The following ANK2 variants were observed in gnomAD, a reference collection of about 807,000 sequenced individuals.
ANK2 encodes ankyrin 2, also known as ankyrin-2.
Under a neutral mutation model 360.5 loss-of-function variants are expected in ANK2, and 83 were observed. The observed-to-expected ratio is 0.23, with a 90% confidence interval of 0.19 to 0.28. The LOEUF is 0.28. Among genes scored for constraint, ANK2 ranks in the 10% least tolerant of loss-of-function variants. The pLI, the probability that ANK2 is intolerant of heterozygous loss-of-function variation, is 1.00. For synonymous variants in ANK2, 1,740 were observed against 1,759.5 expected, an observed-to-expected ratio of 0.99 and a Z score of 0.28; for missense variants, 4,201 against 4,795.7, an observed-to-expected ratio of 0.88 and a Z score of 3.66.
intron 1 of ANK2, among the ~76,000 whole-genome samples, chr4:113,062,979 GT>G (rs2154335515): frequency 6.6e-6 from 1 of 152,196 alleles, no homozygotes; most frequent in African/African-American, 2.4e-5. Context: ...AGGAAATGAG[GT>G]GCTAATATCA....
chr4:112,877,156 A>C (rs536979077), intron 1 of ANK2, among the ~76,000 whole-genome samples: 113 of 151,874 alleles, frequency 7.4e-4, no homozygotes, highest in African/African-American at 2.5e-3. Context: ...TGTCGTTGCT[A>C]TTTTACTTTA....
chr4:112,861,464 C>T (rs868782294), intron 1 of ANK2, among the ~76,000 whole-genome samples: 3 of 152,170 alleles, frequency 2.0e-5, no homozygotes, highest in Non-Finnish European at 1.5e-5. Context: ...AAATATCTTC[C>T]TTACTACAGG....
At chr4:113,083,777 A>G (rs1335216763) in intron 1 of ANK2, among the ~76,000 whole-genome samples, 1 of 152,182 alleles carries the variant, frequency 6.6e-6, no homozygotes, top group Non-Finnish European at 1.5e-5. Flanking sequence ...AAAATATTTT[A>G]TTTTATATAT....
chr4:112,722,293 A>G, the ANK2 span, among the ~76,000 whole-genome samples: 1 of 152,142 alleles, frequency 6.6e-6, no homozygotes, highest in African/African-American at 2.4e-5. Context: ...CTCTCTGCAA[A>G]TGATAAAGCT....
chr4:113,062,551 T>C (rs1341425368), intron 1 of ANK2, among the ~76,000 whole-genome samples: 1 of 152,050 alleles, frequency 6.6e-6, no homozygotes, highest in Non-Finnish European at 1.5e-5. Context: ...TTTTGTACCA[T>C]CCAGAAGAGC....
At chr4:112,748,647 C>T in the ANK2 span, among the ~76,000 whole-genome samples, 1 of 152,150 alleles carries the variant, frequency 6.6e-6, no homozygotes, top group Non-Finnish European at 1.5e-5. Context: ...AAGTTCCTCA[C>T]AGTGTAATTT....
At chr4:112,757,504 GTA>G in the ANK2 span, among the ~76,000 whole-genome samples, 1 of 152,184 alleles carries the variant, frequency 6.6e-6, no homozygotes, top group Non-Finnish European at 1.5e-5. Flanking sequence ...ACATTTGCAG[GTA>G]TTTTACACAC....
At chr4:112,912,287 G>C (rs186312344) in intron 2 of ANK2, among the ~76,000 whole-genome samples, 1 of 152,052 alleles carries the variant, frequency 6.6e-6, no homozygotes, top group South Asian at 2.1e-4. Context: ...ATTGGAAAAA[G>C]AGAAGGAACC....
intron 1 of ANK2, among the ~76,000 whole-genome samples, chr4:112,849,706 T>C (rs2064180551): frequency 6.6e-6 from 1 of 152,240 alleles, no homozygotes; most frequent in African/African-American, 2.4e-5. Context: ...CAGCTTCATC[T>C]TTTGTTCCCT....
At chr4:112,826,063 A>T (rs1369227346) in intron 1 of ANK2, among the ~76,000 whole-genome samples, 1 of 152,182 alleles carries the variant, frequency 6.6e-6, no homozygotes, top group East Asian at 1.9e-4. Context: ...AAAGTGCCAT[A>T]TTTTGGGGTA....
intron 2 of ANK2, among the ~76,000 whole-genome samples, chr4:112,935,789 GC>G (rs2093671434): frequency 6.6e-6 from 1 of 152,124 alleles, no homozygotes; most frequent in Non-Finnish European, 1.5e-5. Context: ...GTTGCAGTGA[GC>G]CGAGATCATG....
In ANK2 at chr4:113,044,020, A is replaced by T. The variant is rs547057144; in HGVS notation, c.22-130396A>T. Among the ~76,000 whole-genome samples, 133 of 152,214 alleles carry T rather than the reference A, an allele frequency of 8.7e-4. 1 individual carries two copies. Among genetic ancestry groups the T allele is most frequent in the African/African-American group, 2.8e-3 (118 of 41,536 alleles). On this transcript the variant is annotated intron_variant, in intron 2 of 30. Transcript: ENST00000503271. ...CAGACTAGTGCCTTTAATACAGGAC[A>T]TAGGATCAATTTTCAATAGCTAAGA...
chr4:112,760,330 G>A, the ANK2 span, among the ~76,000 whole-genome samples: 3 of 151,954 alleles, frequency 2.0e-5, no homozygotes, highest in African/African-American at 7.2e-5. Flanking sequence ...GGGACTACAG[G>A]CGCCTGCTAC....
the ANK2 span, among the ~76,000 whole-genome samples, chr4:112,808,617 TGTG>T: frequency 6.6e-6 from 1 of 152,186 alleles, no homozygotes; most frequent in Non-Finnish European, 1.5e-5. Flanking sequence ...CAGAAACACC[TGTG>T]GTATTTTTGT....
the ANK2 span, among the ~76,000 whole-genome samples, chr4:112,767,290 G>A: frequency 1.3e-5 from 2 of 152,154 alleles, no homozygotes; most frequent in African/African-American, 4.8e-5. Context: ...GCCAGTCGCG[G>A]TGGCTCACGC....
At chr4:112,732,134 A>G in the ANK2 span, among the ~76,000 whole-genome samples, 1 of 152,290 alleles carries the variant, frequency 6.6e-6, no homozygotes, top group East Asian at 1.9e-4. Context: ...GGCTGGTTAA[A>G]CATCTACCAG....
chr4:113,058,234 C>T (rs1402819666), intron 1 of ANK2, among the ~76,000 whole-genome samples: 1 of 152,028 alleles, frequency 6.6e-6, no homozygotes, highest in Non-Finnish European at 1.5e-5. Flanking sequence ...TGAAATAAAA[C>T]TATAGAAACA....
chr4:112,868,643 T>G (rs972794918), intron 1 of ANK2, among the ~76,000 whole-genome samples: 1 of 152,272 alleles, frequency 6.6e-6, no homozygotes, highest in Non-Finnish European at 1.5e-5. Context: ...AATTTGTTCC[T>G]CATTTGTTTA....
intron 1 of ANK2, among the ~76,000 whole-genome samples, chr4:113,115,257 G>A (rs2094647037): frequency 6.6e-6 from 1 of 152,194 alleles, no homozygotes; most frequent in Non-Finnish European, 1.5e-5. Flanking sequence ...GTATTTCTCT[G>A]TAAATATGTA....
Sources: allele counts gnomAD v4.1 joint callset (sites outside exome capture counted in the v4.1 genomes callset), GRCh38; gene constraint gnomAD v4.1.1; transcripts MANE v1.5; gene names NCBI Gene and HGNC (gene_info 2026-07-23, HGNC 2026-07-21).